SMPD3: variants seen among roughly 807,000 people sequenced by gnomAD.
The protein encoded by SMPD3 is nSMase-2.
Under a neutral mutation model 55.7 loss-of-function variants are expected in SMPD3, and 21 were observed. The observed-to-expected ratio is 0.38, with a 90% CI of 0.27 to 0.54. The LOEUF is 0.54. Among genes scored for constraint, SMPD3 ranks in the 20% least tolerant of loss-of-function variants. The probability of loss-of-function intolerance (pLI) is 0.80; values close to 1 mark genes in which losing one functional copy is unlikely to be tolerated. For synonymous variants in SMPD3, 457 were observed against 404.3 expected (o/e 1.13, Z -1.56); for missense variants, 842 against 899.6 (o/e 0.94, Z 0.82).
intron 1 of SMPD3, among the ~76,000 whole-genome samples, chr16:68,444,924 A>C (rs1216855131): frequency 6.6e-6 from 1 of 152,248 alleles, no homozygotes; most frequent in Non-Finnish European, 1.5e-5. Flanking sequence ...CATGGATGCC[A>C]AAGTAAGAAC....
At chr16:68,443,718 A>C (rs116897003) in intron 1 of SMPD3, among the ~76,000 whole-genome samples, 38 of 152,348 alleles carry the variant, frequency 2.5e-4, no homozygotes, top group Non-Finnish European at 5.0e-4. Flanking sequence ...CTGAACTTGG[A>C]AAGACTGATT....
At chr16:68,442,698 G>C (rs1222805476) in intron 1 of SMPD3, among the ~76,000 whole-genome samples, 1 of 152,212 alleles carries the variant, frequency 6.6e-6, no homozygotes, top group Non-Finnish European at 1.5e-5. Context: ...GTGGTACTCA[G>C]CCCTAGGTGT....
At chr16:68,381,895 A>T (rs546772857) in intron 2 of SMPD3, 1 of 152,092 alleles carries the variant, frequency 6.6e-6, no homozygotes. Context: ...TTTCTCAAGA[A>T]TACAGCCAGA....
In SMPD3 at chr16:68,363,519, C is replaced by G; in HGVS notation, c.1686G>C (p.Val562=). 1 of 1,614,028 alleles carries G rather than the reference C, an allele frequency of 6.2e-7. No individual in the cohort carries two copies. Among genetic ancestry groups the G allele is most frequent in the Non-Finnish European group, 8.5e-7 (1 of 1,179,996 alleles). Residue 562 remains valine (V), a synonymous_variant, in exon 7 of 9, where the codon GTG becomes GTC. Coordinates refer to ENST00000219334, the MANE Select transcript of SMPD3 (RefSeq NM_018667.4). Reference sequence around the variant, plus strand: ...ACTTCTGCAGGTTGTCGGGGGTGCACACATCCTCATCGTACAGGCCGTTCG... The same window carrying G: ...ACTTCTGCAGGTTGTCGGGGGTGCAGACATCCTCATCGTACAGGCCGTTCG... ...LDTNGLYDED[V]CTPDNLQKVL...
intron 1 of SMPD3, among the ~76,000 whole-genome samples, chr16:68,392,429 C>T (rs2090119384): frequency 6.6e-6 from 1 of 152,142 alleles, no homozygotes; most frequent in South Asian, 2.1e-4. Context: ...GTATTAAATG[C>T]ATTTTCAAGG....
intron 1 of SMPD3, among the ~76,000 whole-genome samples, chr16:68,389,503 G>A (rs900157767): frequency 6.6e-6 from 1 of 152,226 alleles, no homozygotes; most frequent in Non-Finnish European, 1.5e-5. Context: ...AGCCTCAGTT[G>A]CTGCCTTCTT....
At chr16:68,409,855 G>C (rs1227674035) in intron 1 of SMPD3, among the ~76,000 whole-genome samples, 3 of 152,218 alleles carry the variant, frequency 2.0e-5, no homozygotes, top group Non-Finnish European at 4.4e-5. Flanking sequence ...GCTTCCCAAA[G>C]TGCTGGGATT....
rs184873804 is a variant in SMPD3, at chr16:68,371,954, G to A, written c.228C>T (p.Pro76=). Residue 76 remains proline (P), a synonymous_variant, in exon 3 of 9, where the codon CCC becomes CCT. Coordinates refer to ENST00000219334, the MANE Select transcript of SMPD3 (RefSeq NM_018667.4). The stretch of plus-strand genomic sequence containing the variant: ...AGAAGAGAAAGCCGAGAAACGCAAA[G>A]GGCAGCGAGGCCACCAGGAGGGCCA... The part of the protein sequence containing the change: ...IYLALLVASL[P]FAFLGFLFWS... 4 of 1,612,234 alleles carry A rather than the reference G, an allele frequency of 2.5e-6. No individual in the cohort carries two copies. Among genetic ancestry groups the A allele is most frequent in the Non-Finnish European group, 3.4e-6 (4 of 1,179,650 alleles).
At position 68,359,485 on chromosome 16, in the gene SMPD3, C is replaced by T. The variant is rs532376500; in HGVS notation, c.*1721G>A. The T allele has an allele frequency of 1.3e-5, 2 of 152,856 alleles. No homozygotes were observed. The highest frequency in any genetic ancestry group is 6.5e-5 in the Admixed American group (1 of 15,310). The allele number at this position is 152,856 out of a possible 1,614,324, so 9.5% of individuals were successfully genotyped here. A position where few individuals can be genotyped will look rare whatever the true frequency, so the allele number is the denominator to read the frequency against. ...CAAGGACGCACGTCCTAGCGCCAGGCTCCCTGGGCTCTGCAGCGTTGTCTG... is the reference window on the plus strand; with the variant it reads ...CAAGGACGCACGTCCTAGCGCCAGGTTCCCTGGGCTCTGCAGCGTTGTCTG... On this transcript the variant is annotated 3_prime_UTR_variant, in exon 9 of 9. Coordinates refer to ENST00000219334, the MANE Select transcript of SMPD3 (RefSeq NM_018667.4).
At chr16:68,440,942 T>G (rs2090560670) in intron 1 of SMPD3, among the ~76,000 whole-genome samples, 1 of 152,268 alleles carries the variant, frequency 6.6e-6, no homozygotes, top group Admixed American at 6.5e-5. Context: ...CATTGTATGC[T>G]TATGTAAATG....
At chr16:68,417,402 C>A (rs2090348206) in intron 1 of SMPD3, among the ~76,000 whole-genome samples, 1 of 152,208 alleles carries the variant, frequency 6.6e-6, no homozygotes, top group Non-Finnish European at 1.5e-5. Flanking sequence ...CCTCTTACCC[C>A]ACTCCAGAGC....
intron 7 of SMPD3, among the ~76,000 whole-genome samples, 191 bp downstream of exon 7, chr16:68,363,305 G>A (rs2089370671): frequency 1.3e-5 from 2 of 152,168 alleles, no homozygotes; most frequent in South Asian, 4.1e-4. Context: ...GGGCGTGAGG[G>A]CGTGAGGTCT....
intron 2 of SMPD3, among the ~76,000 whole-genome samples, chr16:68,379,946 G>A (rs141529205): frequency 4.6e-5 from 7 of 152,366 alleles, no homozygotes; most frequent in South Asian, 2.1e-4. Context: ...AAGAGCCAAC[G>A]TGATGTTTCA....
At position 68,371,506 on chromosome 16, in the gene SMPD3, T is replaced by G; in HGVS notation, c.676A>C (p.Asn226His). ...GGRHPGDEAANGPASGDPVDS... is the reference protein window; with the variant it reads ...GGRHPGDEAAHGPASGDPVDS... ...ACAGGGTCCCCAGAGGCTGGGCCGT[T>G]GGCAGCCTCGTCACCGGGGTGCCGC... The change falls in exon 3 of 9, where the codon AAC becomes CAC. Residue 226 changes from asparagine to histidine, a missense_variant. Coordinates refer to ENST00000219334, the MANE Select transcript of SMPD3 (RefSeq NM_018667.4). The G allele has an allele frequency of 3.1e-6, 5 of 1,599,204 alleles. No homozygotes were observed. The African/African-American group carries it at 6.7e-5, about 21-fold the overall frequency.
At chr16:68,416,799 C>A (rs972129064) in intron 1 of SMPD3, among the ~76,000 whole-genome samples, 1 of 152,062 alleles carries the variant, frequency 6.6e-6, no homozygotes, top group Admixed American at 6.6e-5. Context: ...ACAGGTGTGT[C>A]AGAGCATAGG....
intron 1 of SMPD3, among the ~76,000 whole-genome samples, chr16:68,388,234 C>T (rs1418269345): frequency 6.6e-6 from 1 of 152,192 alleles, no homozygotes; most frequent in African/African-American, 2.4e-5. Flanking sequence ...TGGCTTTTGC[C>T]CTCAGAGCCA....
At chr16:68,424,720 C>CT (rs907111956) in intron 1 of SMPD3, among the ~76,000 whole-genome samples, 13 of 152,028 alleles carry the variant, frequency 8.6e-5, no homozygotes, top group African/African-American at 1.2e-4. Context: ...AATGTTTTCT[C>CT]TTTTTTTTGA....
intron 2 of SMPD3, among the ~76,000 whole-genome samples, chr16:68,381,384 G>A (rs1330200096): frequency 6.6e-6 from 1 of 152,224 alleles, no homozygotes; most frequent in Non-Finnish European, 1.5e-5. Flanking sequence ...CTGATAAGGG[G>A]AGACCAGAGC....
intron 1 of SMPD3, among the ~76,000 whole-genome samples, chr16:68,387,544 C>A (rs897877971): frequency 3.3e-5 from 5 of 152,202 alleles, no homozygotes; most frequent in Non-Finnish European, 1.5e-5. Context: ...TCTCTGAGCC[C>A]GTTGGCCCAG....
Sources: gnomAD v4.1 joint callset for allele counts (sites outside exome capture counted in the v4.1 genomes callset) on GRCh38, gnomAD v4.1.1 for gene constraint, MANE v1.5 for transcripts, NCBI Gene and HGNC (gene_info 2026-07-23, HGNC 2026-07-21) for gene names.